Variants in GLB1 observed in about 807,000 individuals in gnomAD.
GLB1 encodes beta-galactosidase.
A neutral mutation model predicts 74.0 loss-of-function variants in GLB1; 56 were observed. The observed-to-expected ratio is 0.76, with a 90% CI of 0.61 to 0.94. GLB1 has a LOEUF of 0.94. Ranked by LOEUF, GLB1 falls within the 40% of genes least tolerant of loss-of-function variation. The pLI, the probability that GLB1 is intolerant of heterozygous loss-of-function variation, is 0.00. For missense variants in GLB1, 787 were observed against 845.5 expected, an observed-to-expected ratio of 0.93 and a Z score of 0.86; for synonymous variants, 323 against 323.6, an observed-to-expected ratio of 1.00 and a Z score of 0.02.
chr3:33,012,297 G>A, intron 15 of GLB1, among the ~76,000 whole-genome samples: 1 of 152,164 alleles, frequency 6.6e-6, no homozygotes, highest in African/African-American at 2.4e-5. Context: ...TGGTCTGAAT[G>A]TTTGTGTCCA....
chr3:33,041,767 T>C (rs1258285651), intron 10 of GLB1, among the ~76,000 whole-genome samples: 1 of 151,590 alleles, frequency 6.6e-6, no homozygotes, highest in Non-Finnish European at 1.5e-5. Context: ...GCTTACTAAA[T>C]GAAATTCTAA....
rs575950244 is a variant in GLB1, at chr3:33,033,581, G to A, written c.1069-9256C>T. Among the ~76,000 whole-genome samples, 284 of 152,130 alleles carry A rather than the reference G, an allele frequency of 1.9e-3. 1 individual carries two copies. Among genetic ancestry groups the A allele is most frequent in the African/African-American group, 6.5e-3 (270 of 41,512 alleles). On this transcript the variant is annotated intron_variant, in intron 10 of 15. Transcript: ENST00000307363. ...GTGGATCACTTGAGGTCAAGAGTTCGAGACCAGCCTGGTCAACATGGTGAA... is the reference window on the plus strand; with the variant it reads ...GTGGATCACTTGAGGTCAAGAGTTCAAGACCAGCCTGGTCAACATGGTGAA...
At chr3:32,981,790 G>T in the GLB1 span, among the ~76,000 whole-genome samples, 17 of 151,024 alleles carry the variant, frequency 1.1e-4, no homozygotes, top group Non-Finnish European at 2.2e-4. Flanking sequence ...AAAAAGAAAA[G>T]ATATTTTGCC....
intron 5 of GLB1, among the ~76,000 whole-genome samples, chr3:33,064,196 T>C (rs1200828933): frequency 6.6e-6 from 1 of 151,528 alleles, no homozygotes; most frequent in African/African-American, 2.4e-5. Context: ...CCCAGCACTT[T>C]GGGAGGCTGA....
At chr3:33,041,172 C>T (rs1698480561) in intron 10 of GLB1, among the ~76,000 whole-genome samples, 2 of 151,970 alleles carry the variant, frequency 1.3e-5, no homozygotes, top group Admixed American at 6.6e-5. Flanking sequence ...GCAGGATAAA[C>T]GAAAAGAAAG....
At chr3:33,015,063 G>A (rs1016084603) in intron 14 of GLB1, among the ~76,000 whole-genome samples, 1 of 152,144 alleles carries the variant, frequency 6.6e-6, no homozygotes, top group African/African-American at 2.4e-5. Context: ...GGCTGAGAAG[G>A]GAGGATTGCT....
At chr3:33,085,951 T>C (rs889879773) in intron 1 of GLB1, among the ~76,000 whole-genome samples, 2 of 150,354 alleles carry the variant, frequency 1.3e-5, no homozygotes. Flanking sequence ...TGGTGGTGCA[T>C]GCCTGTAGTC....
intron 1 of GLB1, among the ~76,000 whole-genome samples, chr3:33,079,354 A>G (rs972891674): frequency 7.2e-5 from 11 of 152,226 alleles, no homozygotes; most frequent in African/African-American, 2.7e-4. Flanking sequence ...TTTACCTTGG[A>G]AGAAAAAGGG....
At chr3:32,971,244 G>T in the GLB1 span, among the ~76,000 whole-genome samples, 2 of 152,156 alleles carry the variant, frequency 1.3e-5, no homozygotes, top group Non-Finnish European at 2.9e-5. Flanking sequence ...TACCTTTTTG[G>T]TCTATAGGAC....
chr3:33,081,652 G>A (rs913596860), intron 1 of GLB1, among the ~76,000 whole-genome samples: 17 of 152,204 alleles, frequency 1.1e-4, no homozygotes, highest in Non-Finnish European at 7.3e-5. Flanking sequence ...AGTGTCGCTG[G>A]GGATGATGAG....
intron 10 of GLB1, among the ~76,000 whole-genome samples, chr3:33,041,264 A>AAAC (rs1698487234): frequency 6.6e-6 from 1 of 152,260 alleles, no homozygotes; most frequent in Non-Finnish European, 1.5e-5. Context: ...GAGGAAAGAT[A>AAAC]GATTATCTTC....
intron 12 of GLB1, among the ~76,000 whole-genome samples, chr3:33,019,454 T>C (rs557236972): frequency 1.3e-5 from 2 of 152,030 alleles, no homozygotes; most frequent in African/African-American, 2.4e-5. Flanking sequence ...AGAATGCAAA[T>C]AGAGATCCAG....
chr3:33,061,681 TC>T (rs1699450584), intron 5 of GLB1: 1 of 152,194 alleles, frequency 6.6e-6, no homozygotes, highest in African/African-American at 2.4e-5. Flanking sequence ...TTCCAAACAG[TC>T]ATAAATAGGC....
chr3:33,041,491 A>G (rs376891779), intron 10 of GLB1, among the ~76,000 whole-genome samples: 3 of 152,062 alleles, frequency 2.0e-5, no homozygotes, highest in African/African-American at 7.2e-5. Flanking sequence ...GTGAAACCCC[A>G]TCTCTACTAA....
rs572119703 is a variant in GLB1, at chr3:33,018,674, T to A, written c.1234-113A>T. On this transcript the variant is annotated intron_variant, in intron 12 of 15. Coordinates refer to ENST00000307363, the MANE Select transcript of GLB1 (RefSeq NM_000404.4). ...TTTCTCAAACCATAAGGAATGAAAA[T>A]CTTCCTCCACCTCCCGAAAAAATTA... The A allele has an allele frequency of 1.6e-4, 184 of 1,173,896 alleles. 1 individual carries two copies. In the African/African-American group the frequency reaches 2.5e-3, roughly 16 times the overall value. 72.7% of individuals were successfully genotyped at this position (1,173,896 alleles called of 1,614,324 possible). A position where few individuals can be genotyped will look rare whatever the true frequency, so the allele number is the denominator to read the frequency against.
intron 10 of GLB1, chr3:33,034,576 T>C: frequency 2.8e-6 from 2 of 720,570 alleles, no homozygotes; most frequent in Non-Finnish European, 2.6e-6. Flanking sequence ...TCTGGACCTG[T>C]GATGATGCCT....
intron 1 of GLB1, among the ~76,000 whole-genome samples, chr3:33,089,529 G>C (rs1440834714): frequency 6.6e-6 from 1 of 152,164 alleles, no homozygotes; most frequent in Non-Finnish European, 1.5e-5. Flanking sequence ...TGCTCAACAT[G>C]GATAAACAAA....
chr3:33,013,895 C>A (rs1334444760), intron 15 of GLB1, among the ~76,000 whole-genome samples, 161 bp downstream of exon 15: 1 of 152,148 alleles, frequency 6.6e-6, no homozygotes, highest in Non-Finnish European at 1.5e-5. Context: ...GCCACTGAAT[C>A]CCTGAAGATC....
chr3:33,042,389 T>TTTTTTTTC lies in GLB1; in HGVS notation c.1068+3730_1068+3731insGAAAAAAA, dbSNP rs1553609327. On this transcript the variant is annotated intron_variant, in intron 10 of 15. Coordinates refer to ENST00000307363, the MANE Select transcript of GLB1 (RefSeq NM_000404.4). ...CTCCTCCTTTTTTTTTTTTTTTTTTTCCAAGTCTCGCTCTGTCGCCCAGGC... is the reference window on the plus strand; with the variant it reads ...CTCCTCCTTTTTTTTTTTTTTTTTTTTTTTTTTCCCAAGTCTCGCTCTGTCGCCCAGGC... 3.4e-5 allele frequency among the ~76,000 whole-genome samples: 5 copies of TTTTTTTTC among 146,636 alleles called. 1 individual carries two copies. Among genetic ancestry groups the TTTTTTTTC allele is most frequent in the African/African-American group, 1.0e-4 (4 of 39,524 alleles).
Sources: allele counts gnomAD v4.1 joint callset (sites outside exome capture counted in the v4.1 genomes callset), GRCh38; gene constraint gnomAD v4.1.1; transcripts MANE v1.5; gene names NCBI Gene and HGNC (gene_info 2026-07-23, HGNC 2026-07-21).